The following SLC39A11 variants were observed in gnomAD, a reference collection of about 807,000 sequenced individuals.
SLC39A11 encodes the protein solute carrier family 39 member 11, also known as zinc transporter ZIP11.
SLC39A11 carries 33 observed loss-of-function variants against 36.1 expected under a neutral mutation model. The observed-to-expected ratio is 0.91, with a 90% CI of 0.69 to 1.22. SLC39A11 has a LOEUF of 1.22. SLC39A11 is among the 50% of genes most tolerant of loss of function. The pLI is 0.00. For synonymous variants in SLC39A11, 166 were observed against 170.3 expected (o/e 0.97, Z 0.20); for missense variants, 432 against 430.3 (o/e 1.00, Z -0.03).
chr17:72,658,714 G>A (rs1304754580), intron 7 of SLC39A11, among the ~76,000 whole-genome samples: 1 of 152,136 alleles, frequency 6.6e-6, no homozygotes, highest in Middle Eastern at 3.2e-3. Flanking sequence ...CATCTGGGTG[G>A]GACCCCAGGT....
chr17:72,951,809 A>C (rs2147795660), intron 4 of SLC39A11, among the ~76,000 whole-genome samples: 1 of 152,298 alleles, frequency 6.6e-6, no homozygotes, highest in Non-Finnish European at 1.5e-5. Context: ...GAAGATGCCA[A>C]GAGAGGTCTT....
chr17:72,985,959 A>G (rs2088714708), intron 4 of SLC39A11, among the ~76,000 whole-genome samples: 1 of 152,138 alleles, frequency 6.6e-6, no homozygotes, highest in African/African-American at 2.4e-5. Context: ...CAAGGAAAAT[A>G]CTACGGGAAG....
At chr17:72,950,755 T>A (rs1314661024) in intron 4 of SLC39A11, among the ~76,000 whole-genome samples, 1 of 152,218 alleles carries the variant, frequency 6.6e-6, no homozygotes, top group Non-Finnish European at 1.5e-5. Flanking sequence ...GAAGCCCATC[T>A]GGTAAGGTGC....
chr17:72,881,606 T>C (rs1322790232), intron 5 of SLC39A11, among the ~76,000 whole-genome samples: 1 of 152,240 alleles, frequency 6.6e-6, no homozygotes, highest in Non-Finnish European at 1.5e-5. Flanking sequence ...CAAAGCCTTT[T>C]TAAAATTTTT....
At chr17:72,723,743 G>T (rs935673375) in intron 7 of SLC39A11, among the ~76,000 whole-genome samples, 1 of 152,176 alleles carries the variant, frequency 6.6e-6, no homozygotes, top group Non-Finnish European at 1.5e-5. Flanking sequence ...ATGGAACCTT[G>T]TGGGCAATCT....
At chr17:72,883,483 G>A (rs9909988) in intron 5 of SLC39A11, among the ~76,000 whole-genome samples, 79,213 of 152,010 alleles carry the variant, frequency 0.52, 22,579 homozygotes, top group African/African-American at 0.75. Flanking sequence ...AGCATCGCCA[G>A]TACTGAAGCT....
intron 5 of SLC39A11, among the ~76,000 whole-genome samples, chr17:72,851,340 G>C (rs184670066): frequency 7.3e-4 from 111 of 152,316 alleles, no homozygotes; most frequent in African/African-American, 2.5e-3. Context: ...ACAAGAGTGG[G>C]AGAGAGCATC....
intron 6 of SLC39A11, chr17:72,821,496 ACT>A (rs1472051254): frequency 3.1e-5 from 3 of 98,118 alleles, no homozygotes; most frequent in South Asian, 8.2e-4. Context: ...ACAGAGTGAG[ACT>A]CTGTCACGAA....
At chr17:72,783,772 A>G (rs2076402946) in intron 6 of SLC39A11, among the ~76,000 whole-genome samples, 1 of 152,234 alleles carries the variant, frequency 6.6e-6, no homozygotes, top group African/African-American at 2.4e-5. Context: ...GGGAATAGTC[A>G]GAGTTAACAG....
intron 6 of SLC39A11, among the ~76,000 whole-genome samples, chr17:72,787,421 C>A (rs139655449): frequency 0.014 from 2,110 of 152,086 alleles, 52 homozygotes; most frequent in African/African-American, 0.047. Flanking sequence ...CCACGCCCGG[C>A]TAATTTTTCG....
chr17:72,932,193 C>T (rs2084438934), intron 5 of SLC39A11, among the ~76,000 whole-genome samples: 2 of 151,940 alleles, frequency 1.3e-5, no homozygotes, highest in Admixed American at 1.3e-4. Flanking sequence ...CTTCCCAAAA[C>T]TCCAACGTCT....
intron 5 of SLC39A11, among the ~76,000 whole-genome samples, chr17:72,945,369 T>C (rs937665597): frequency 3.9e-5 from 6 of 152,204 alleles, no homozygotes; most frequent in African/African-American, 1.4e-4. Context: ...TAAAGGCTAA[T>C]GTTATTCACT....
intron 4 of SLC39A11, among the ~76,000 whole-genome samples, chr17:72,966,869 G>A (rs745905390): frequency 1.1e-4 from 17 of 152,060 alleles, no homozygotes; most frequent in African/African-American, 2.2e-4. Flanking sequence ...ACGCCCGGCC[G>A]CTTCATCTGT....
At chr17:72,807,036 C>A (rs1897307) in intron 6 of SLC39A11, among the ~76,000 whole-genome samples, 11,688 of 151,916 alleles carry the variant, frequency 0.077, 519 homozygotes, top group African/African-American at 0.12. Context: ...AAGAGATTTC[C>A]TCAACTTCAT....
chr17:72,656,286 C>A (rs1478603900), intron 7 of SLC39A11, among the ~76,000 whole-genome samples: 2 of 152,116 alleles, frequency 1.3e-5, no homozygotes, highest in South Asian at 4.1e-4. Context: ...TGGACCACGA[C>A]ACATTAATGG....
At chr17:72,967,883 G>C (rs768008906) in intron 4 of SLC39A11, among the ~76,000 whole-genome samples, 1 of 152,168 alleles carries the variant, frequency 6.6e-6, no homozygotes, top group Non-Finnish European at 1.5e-5. Flanking sequence ...GCAGAGCTAA[G>C]GAGGGCGCTT....
At chr17:72,810,124 G>T (rs922196484) in intron 6 of SLC39A11, among the ~76,000 whole-genome samples, 1 of 150,004 alleles carries the variant, frequency 6.7e-6, no homozygotes, top group Non-Finnish European at 1.5e-5. Flanking sequence ...GAAAACTCTA[G>T]TAATAATAAT....
intron 6 of SLC39A11, among the ~76,000 whole-genome samples, chr17:72,766,811 T>G (rs2075774757): frequency 6.6e-6 from 1 of 152,138 alleles, no homozygotes; most frequent in South Asian, 2.1e-4. Context: ...GCTGCCTAAA[T>G]CCAAAGGGCA....
intron 5 of SLC39A11, among the ~76,000 whole-genome samples, chr17:72,938,851 A>G (rs547326860): frequency 6.6e-6 from 1 of 152,336 alleles, no homozygotes; most frequent in East Asian, 1.9e-4. Flanking sequence ...AACCAAGCAA[A>G]TGTTAAATTT....
Sources: allele counts gnomAD v4.1 joint callset (sites outside exome capture counted in the v4.1 genomes callset), GRCh38; gene constraint gnomAD v4.1.1; transcripts MANE v1.5; gene names NCBI Gene and HGNC (gene_info 2026-07-23, HGNC 2026-07-21).